Variants in CNTN1 observed in about 807,000 individuals in gnomAD.
The protein encoded by CNTN1 is contactin-1.
CNTN1 carries 38 observed loss-of-function variants against 126.4 expected under a neutral mutation model. The observed-to-expected ratio is 0.30, with a 90% CI of 0.23 to 0.39. The LOEUF is 0.39. Among genes scored for constraint, CNTN1 ranks in the 10% least tolerant of loss-of-function variants. The probability of loss-of-function intolerance (pLI) is 1.00; values close to 1 mark genes in which losing one functional copy is unlikely to be tolerated. For missense variants in CNTN1, 1,009 were observed against 1,248.4 expected (o/e 0.81, Z 2.89); for synonymous variants, 413 against 422.6 (o/e 0.98, Z 0.28).
chr12:40,933,253 G>A (rs1190755458), intron 7 of CNTN1, among the ~76,000 whole-genome samples: 23 of 151,742 alleles, frequency 1.5e-4, no homozygotes, highest in Non-Finnish European at 1.5e-5. Flanking sequence ...CTGTCAGAAC[G>A]AGCCAATATT....
intron 1 of CNTN1, among the ~76,000 whole-genome samples, chr12:40,883,524 A>G (rs1410203276): frequency 1.3e-5 from 2 of 151,572 alleles, no homozygotes; most frequent in African/African-American, 4.8e-5. Flanking sequence ...GTCACAGGAT[A>G]AGAGAAAAGT....
At chr12:41,005,538 C>G (rs1377286714) in intron 17 of CNTN1, among the ~76,000 whole-genome samples, 1 of 152,098 alleles carries the variant, frequency 6.6e-6, no homozygotes, top group African/African-American at 2.4e-5. Flanking sequence ...CAAGTTAGTT[C>G]CATTCTTCCC....
At chr12:40,848,468 T>C (rs1292952096) in intron 1 of CNTN1, among the ~76,000 whole-genome samples, 1 of 152,184 alleles carries the variant, frequency 6.6e-6, no homozygotes, top group African/African-American at 2.4e-5. Flanking sequence ...AGTGTTTATA[T>C]AATGAAAAAT....
chr12:40,715,251 T>C (rs551178769), intron 1 of CNTN1, among the ~76,000 whole-genome samples: 3 of 152,258 alleles, frequency 2.0e-5, no homozygotes, highest in Admixed American at 2.0e-4. Context: ...GTGATGGTGG[T>C]ACTGCTTTTT....
intron 23 of CNTN1, among the ~76,000 whole-genome samples, chr12:41,040,541 C>T (rs1376711748): frequency 6.6e-6 from 1 of 151,126 alleles, no homozygotes; most frequent in East Asian, 2.0e-4. Flanking sequence ...TCTTCCTACC[C>T]ATGAGCATGG....
In CNTN1 at chr12:40,929,987, A is replaced by T; in HGVS notation, c.688A>T (p.Ile230Phe). 4 of 1,609,594 alleles carry T rather than the reference A, an allele frequency of 2.5e-6. No homozygotes were observed. Among genetic ancestry groups the T allele is most frequent in the Non-Finnish European group, 3.4e-6 (4 of 1,176,188 alleles). Residue 230 changes from isoleucine to phenylalanine, a missense_variant, in exon 7 of 24, where the codon ATT becomes TTT. Physicochemically the swap from Ile to Phe is conservative, Grantham distance 21. Transcript: ENST00000551295. Reference protein sequence around the residue: ...KSVFSKFIPLIPIPERTTKPY... With the variant: ...KSVFSKFIPLFPIPERTTKPY... ...CGTGTTCAGCAAATTCATCCCACTC[A>T]TTCCAATACCTGAACGTAAGTATTT...
intron 1 of CNTN1, among the ~76,000 whole-genome samples, chr12:40,905,881 A>T (rs571447202): frequency 2.6e-5 from 4 of 152,318 alleles, no homozygotes; most frequent in Non-Finnish European, 5.9e-5. Context: ...CATTTCAAAA[A>T]TTTTCACTTA....
intron 1 of CNTN1, among the ~76,000 whole-genome samples, chr12:40,861,181 A>G (rs1943104969): frequency 6.6e-6 from 1 of 152,166 alleles, no homozygotes; most frequent in Non-Finnish European, 1.5e-5. Flanking sequence ...CATTTTCTTG[A>G]CATTTGCCCC....
At chr12:41,026,524 A>C (rs547304435) in intron 21 of CNTN1, among the ~76,000 whole-genome samples, 2 of 152,336 alleles carry the variant, frequency 1.3e-5, no homozygotes, top group African/African-American at 4.8e-5. Context: ...CACTATGTGA[A>C]TAGCTTTAGG....
chr12:40,886,787 G>A (rs1244449320), intron 1 of CNTN1, among the ~76,000 whole-genome samples: 3 of 152,074 alleles, frequency 2.0e-5, no homozygotes, highest in African/African-American at 7.2e-5. Flanking sequence ...TCTACATATG[G>A]CTAGCCAGTT....
At chr12:41,024,820 C>G (rs778936541) in intron 20 of CNTN1, among the ~76,000 whole-genome samples, 3 of 152,096 alleles carry the variant, frequency 2.0e-5, no homozygotes, top group Non-Finnish European at 4.4e-5. Context: ...ACAAATACTT[C>G]CAAATGGAGA....
chr12:40,920,497 G>C (rs1466305139), intron 4 of CNTN1, among the ~76,000 whole-genome samples: 1 of 108,366 alleles, frequency 9.2e-6, no homozygotes, highest in African/African-American at 4.1e-5. Flanking sequence ...GCATTTGACA[G>C]GAAAAAAAAA....
chr12:40,907,957 A>T (rs1428974327), intron 1 of CNTN1, among the ~76,000 whole-genome samples: 1 of 152,228 alleles, frequency 6.6e-6, no homozygotes, highest in African/African-American at 2.4e-5. Context: ...CCTTCCGTTA[A>T]ATGTAACCTT....
intron 1 of CNTN1, among the ~76,000 whole-genome samples, chr12:40,712,158 A>G (rs1424393865): frequency 6.6e-6 from 1 of 152,182 alleles, no homozygotes; most frequent in Non-Finnish European, 1.5e-5. Flanking sequence ...TATTTCATAA[A>G]TTCTATGAAT....
intron 1 of CNTN1, among the ~76,000 whole-genome samples, chr12:40,904,357 C>CTTCCTTCCTTCCT (rs1555177064): frequency 1.4e-5 from 2 of 146,346 alleles, no homozygotes; most frequent in East Asian, 2.0e-4. Flanking sequence ...TTTTTCCTTC[C>CTTCCTTCCTTCCT]TTCCTTCCTT....
At chr12:41,045,618 G>T (rs1483372025) in intron 23 of CNTN1, among the ~76,000 whole-genome samples, 1 of 152,032 alleles carries the variant, frequency 6.6e-6, no homozygotes, top group East Asian at 1.9e-4. Context: ...CTACATTAGG[G>T]ACCAGCTTTA....
chr12:40,843,520 T>C (rs1360129004), intron 1 of CNTN1, among the ~76,000 whole-genome samples: 1 of 152,196 alleles, frequency 6.6e-6, no homozygotes, highest in Admixed American at 6.5e-5. Flanking sequence ...ATTTGGCACA[T>C]TGCCTGGTGT....
At chr12:41,060,862 C>T (rs1949925103) in intron 23 of CNTN1, among the ~76,000 whole-genome samples, 1 of 152,182 alleles carries the variant, frequency 6.6e-6, no homozygotes, top group Non-Finnish European at 1.5e-5. Context: ...AGTATGTTCT[C>T]ACTAAATACT....
At chr12:40,698,040 G>A (rs1188797663) in intron 1 of CNTN1, among the ~76,000 whole-genome samples, 2 of 152,048 alleles carry the variant, frequency 1.3e-5, no homozygotes, top group African/African-American at 2.4e-5. Context: ...GTAGACCTGA[G>A]CATGTCACCA....
Sources: gnomAD v4.1 joint callset for allele counts (sites outside exome capture counted in the v4.1 genomes callset) on GRCh38, gnomAD v4.1.1 for gene constraint, MANE v1.5 for transcripts, NCBI Gene and HGNC (gene_info 2026-07-23, HGNC 2026-07-21) for gene names.